The following TNIK variants were observed in gnomAD, a reference collection of about 807,000 sequenced individuals.
TNIK encodes TRAF2 and NCK interacting kinase.
A neutral mutation model predicts 191.3 loss-of-function variants in TNIK; 49 were observed. The observed-to-expected ratio is 0.26, with a 90% CI of 0.20 to 0.32. The LOEUF (loss-of-function observed/expected upper bound fraction) is 0.32. Among genes scored for constraint, TNIK ranks in the 10% least tolerant of loss-of-function variants. TNIK has a pLI of 1.00. For synonymous variants in TNIK, 594 were observed against 600.9 expected (o/e 0.99, Z 0.17); for missense variants, 1,155 against 1,702.3 (o/e 0.68, Z 5.66).
At chr3:171,444,876 T>TTTTTA (rs559003904) in intron 1 of TNIK, among the ~76,000 whole-genome samples, 16 of 152,218 alleles carry the variant, frequency 1.1e-4, no homozygotes, top group African/African-American at 3.6e-4. Flanking sequence ...TTGCTTTTCT[T>TTTTTA]TTTTATTTTA....
intron 1 of TNIK, among the ~76,000 whole-genome samples, chr3:171,390,108 T>C (rs1719272199): frequency 6.6e-6 from 1 of 152,196 alleles, no homozygotes; most frequent in Admixed American, 6.5e-5. Context: ...TCAACACATT[T>C]GATTTTCAGG....
chr3:171,141,716 C>T (rs1730867430), intron 12 of TNIK, among the ~76,000 whole-genome samples: 2 of 152,212 alleles, frequency 1.3e-5, no homozygotes, highest in Admixed American at 6.5e-5. Context: ...TACATCATGG[C>T]ATTAGTGCAC....
chr3:171,284,952 C>T (rs1041455243), intron 2 of TNIK, among the ~76,000 whole-genome samples: 1 of 152,120 alleles, frequency 6.6e-6, no homozygotes, highest in Non-Finnish European at 1.5e-5. Flanking sequence ...GAGCAGATGC[C>T]AAGACTTTGC....
At chr3:171,174,585 T>A (rs536587049) in intron 9 of TNIK, among the ~76,000 whole-genome samples, 9 of 151,684 alleles carry the variant, frequency 5.9e-5, no homozygotes, top group Admixed American at 1.3e-4. Context: ...TAGAACTGTT[T>A]CCCAAATGTC....
At chr3:171,447,942 TA>T (rs1181767035) in intron 1 of TNIK, among the ~76,000 whole-genome samples, 1 of 152,240 alleles carries the variant, frequency 6.6e-6, no homozygotes, top group Non-Finnish European at 1.5e-5. Flanking sequence ...ACTGACTGAA[TA>T]TTTTATTACA....
At chr3:171,262,182 C>G (rs758166743) in intron 2 of TNIK, among the ~76,000 whole-genome samples, 2 of 152,074 alleles carry the variant, frequency 1.3e-5, no homozygotes, top group Admixed American at 1.3e-4. Context: ...ACCTTCCCTT[C>G]GTTTTGTTTA....
At chr3:171,210,851 G>GGA (rs1560267615) in intron 4 of TNIK, among the ~76,000 whole-genome samples, 10 of 131,406 alleles carry the variant, frequency 7.6e-5, no homozygotes, top group East Asian at 4.3e-4. Context: ...GTCAATTAGT[G>GGA]AAAAAAAAAA....
intron 2 of TNIK, among the ~76,000 whole-genome samples, chr3:171,240,273 G>A (rs1222830912): frequency 6.6e-6 from 1 of 152,184 alleles, no homozygotes; most frequent in Non-Finnish European, 1.5e-5. Context: ...GTCTAGGAGA[G>A]AATTGACTAT....
rs183025306 is a variant in TNIK at position 171,450,717 on chromosome 3, T to A, written c.57+9290A>T. Among the ~76,000 whole-genome samples the A allele has an allele frequency of 1.8e-3, 272 of 152,344 alleles. 1 individual carries two copies. Among genetic ancestry groups the A allele is most frequent in the African/African-American group, 6.4e-3 (267 of 41,574 alleles). ...TTTATCAGAAGGTGCCACAACTTAC[T>A]TTTTGGAGGTATGAGGTGTAATAAA... On this transcript the variant is annotated intron_variant, in intron 1 of 32. Coordinates refer to ENST00000436636, the MANE Select transcript of TNIK (RefSeq NM_015028.4).
chr3:171,325,031 G>A (rs1755589491), intron 2 of TNIK, among the ~76,000 whole-genome samples: 1 of 152,098 alleles, frequency 6.6e-6, no homozygotes, highest in Admixed American at 6.5e-5. Flanking sequence ...AATCCAGGAG[G>A]CGGAGCTTGC....
intron 10 of TNIK, among the ~76,000 whole-genome samples, chr3:171,162,927 C>G (rs1254749080): frequency 1.3e-5 from 2 of 152,162 alleles, no homozygotes; most frequent in African/African-American, 4.8e-5. Context: ...AAGAAAGGAA[C>G]AGCTAGTGCC....
intron 7 of TNIK, among the ~76,000 whole-genome samples, 194 bp downstream of exon 7, chr3:171,188,508 C>T (rs568346462): frequency 6.6e-6 from 1 of 152,070 alleles, no homozygotes; most frequent in Non-Finnish European, 1.5e-5. Context: ...TTTTTACAAA[C>T]AGGCCATCAG....
intron 3 of TNIK, among the ~76,000 whole-genome samples, chr3:171,220,104 A>G (rs554149425): frequency 6.6e-6 from 1 of 152,326 alleles, no homozygotes; most frequent in East Asian, 1.9e-4. Flanking sequence ...GACATGGGTG[A>G]AGCTGGAAAC....
At chr3:171,082,120 C>T in intron 27 of TNIK, 131 bp downstream of exon 27, 1 of 1,252,306 alleles carries the variant, frequency 8.0e-7, no homozygotes, top group Non-Finnish European at 1.1e-6. Context: ...CAATCTCACT[C>T]TGGCTATACT....
intron 2 of TNIK, among the ~76,000 whole-genome samples, chr3:171,254,803 T>G (rs1746647662): frequency 6.6e-6 from 1 of 152,230 alleles, no homozygotes; most frequent in South Asian, 2.1e-4. Flanking sequence ...TTTAATTCAA[T>G]TTCATAATCA....
intron 1 of TNIK, among the ~76,000 whole-genome samples, chr3:171,373,121 T>C (rs1380236385): frequency 6.6e-6 from 1 of 152,184 alleles, no homozygotes; most frequent in African/African-American, 2.4e-5. Flanking sequence ...TGATACAGCT[T>C]GAACAGTATA....
At position 171,094,619 on chromosome 3, in the gene TNIK, CCTT is replaced by C. The variant is rs370106115; in HGVS notation, c.2592-654_2592-652del. Among the ~76,000 whole-genome samples the C allele has an allele frequency of 1.6e-3, 248 of 152,250 alleles. 1 individual carries two copies. The highest frequency in any genetic ancestry group is 5.8e-3 in the African/African-American group (239 of 41,544). On this transcript the variant is annotated intron_variant, in intron 22 of 32. Coordinates refer to ENST00000436636, the MANE Select transcript of TNIK (RefSeq NM_015028.4). ...CATGATCTCCCCTGACCCCTGCCCT[CCTT>C]CTTTGGGCAGCAGACAACCTGACCT...
Position 171,100,744 on chromosome 3 carries a change from T to A in TNIK, c.2591+705A>T, listed in dbSNP as rs561269879. ...AAAAAAAATGAACTTTCTCCTCACC[T>A]TGAAAAAAAAAAAAAAAAGAAAAAG... On this transcript the variant is annotated intron_variant, in intron 22 of 32. Transcript: ENST00000436636. 2.8e-3 allele frequency among the ~76,000 whole-genome samples: 289 copies of A among 102,612 alleles called. 4 individuals are homozygous for A. The highest frequency in any genetic ancestry group is 0.023 in the Admixed American group (224 of 9,678). 67.3% of individuals were successfully genotyped at this position (102,612 alleles called of 152,430 possible).
chr3:171,287,296 C>A lies in TNIK; in HGVS notation c.124-59075G>T, dbSNP rs545420086. Among the ~76,000 whole-genome samples the A allele has an allele frequency of 5.9e-5, 9 of 152,276 alleles. No individual in the cohort carries two copies. The South Asian group carries it at 1.9e-3, about 32-fold the overall frequency. On this transcript the variant is annotated intron_variant, in intron 2 of 32. Transcript: ENST00000436636. ...CAACTATTAGTTATGTTGTCAAGTC[C>A]TATTTTTATCATTGATTCTTTTCAA...
Sources: gnomAD v4.1 joint callset for allele counts (sites outside exome capture counted in the v4.1 genomes callset) on GRCh38, gnomAD v4.1.1 for gene constraint, MANE v1.5 for transcripts, NCBI Gene and HGNC (gene_info 2026-07-23, HGNC 2026-07-21) for gene names.